Variants in TEKT5 observed in about 807,000 individuals in gnomAD.
TEKT5 encodes tektin 5.
Under a neutral mutation model 48.7 loss-of-function variants are expected in TEKT5, and 52 were observed. The observed-to-expected ratio is 1.07, with a 90% CI of 0.86 to 1.35. The LOEUF (loss-of-function observed/expected upper bound fraction) is 1.35. Among genes scored for constraint, TEKT5 ranks in the 40% most tolerant of loss-of-function variants. The pLI, the probability that TEKT5 is intolerant of heterozygous loss-of-function variation, is 0.00. For missense variants in TEKT5, 831 were observed against 641.6 expected, an observed-to-expected ratio of 1.30 and a Z score of -3.19; for synonymous variants, 318 against 267.6, an observed-to-expected ratio of 1.19 and a Z score of -1.84.
In TEKT5 at chr16:10,689,942, C is replaced by G. The variant is rs375581731; in HGVS notation, c.648G>C (p.Arg216=). ...TGGGCAGAACCAGGAGATGCCTTAC[C>G]CGGATAAGGTTTTTCTCCACGTTGT... ...VHDNVEKNLI[R]EVDLLKCCQE... Residue 216 remains arginine (R), a splice_region_variant and synonymous_variant, in exon 2 of 7, where the codon CGG becomes CGC. Coordinates refer to ENST00000283025, the MANE Select transcript of TEKT5 (RefSeq NM_144674.2). The G allele has an allele frequency of 2.2e-5, 36 of 1,613,910 alleles. No homozygotes were observed. The African/African-American group carries it at 4.7e-4, about 21-fold the overall frequency.
chr16:10,645,027 C>T (rs373685898), intron 5 of TEKT5, among the ~76,000 whole-genome samples: 20 of 152,254 alleles, frequency 1.3e-4, no homozygotes, highest in East Asian at 5.8e-4. Context: ...GTCTACAACC[C>T]GGAAGAGGGC....
intron 4 of TEKT5, among the ~76,000 whole-genome samples, chr16:10,680,330 C>T (rs951227610): frequency 6.6e-6 from 1 of 152,230 alleles, no homozygotes; most frequent in Non-Finnish European, 1.5e-5. Context: ...GGAACACCTT[C>T]CTTCTCGCTT....
At chr16:10,668,035 G>A (rs1054220720) in intron 5 of TEKT5, among the ~76,000 whole-genome samples, 4 of 151,980 alleles carry the variant, frequency 2.6e-5, no homozygotes, top group Admixed American at 2.0e-4. Flanking sequence ...GCGCCACCAT[G>A]CCCAGCTAAT....
At chr16:10,666,504 C>T (rs888560376) in intron 5 of TEKT5, among the ~76,000 whole-genome samples, 1 of 152,248 alleles carries the variant, frequency 6.6e-6, no homozygotes, top group African/African-American at 2.4e-5. Flanking sequence ...CCTCACCAAA[C>T]TATAGCAACC....
At chr16:10,684,593 C>T (rs1016855366) in intron 3 of TEKT5, among the ~76,000 whole-genome samples, 1 of 152,130 alleles carries the variant, frequency 6.6e-6, no homozygotes, top group Non-Finnish European at 1.5e-5. Context: ...AAATGGGGCC[C>T]TGTCCTGCCT....
chr16:10,688,187 A>G (rs1898896738), intron 3 of TEKT5, among the ~76,000 whole-genome samples: 1 of 152,204 alleles, frequency 6.6e-6, no homozygotes, highest in South Asian at 2.1e-4. Context: ...GTGTCCTTTC[A>G]GCCATCATCC....
rs984621215 is a variant in TEKT5 at position 10,661,718 on chromosome 16, T to C, written c.1086+14241A>G. ...GGCCAGTGGTATTCGGATTCCAGTG[T>C]GCCCACCTCACTACAATCCAGAGGA... is the stretch of plus-strand genomic sequence containing the variant. On this transcript the variant is annotated intron_variant, in intron 5 of 6. Transcript: ENST00000283025. Among the ~76,000 whole-genome samples, 5 of 152,310 alleles carry C rather than the reference T, an allele frequency of 3.3e-5. No individual in the cohort carries two copies. The East Asian group carries it at 7.7e-4, about 24-fold the overall frequency.
intron 3 of TEKT5, among the ~76,000 whole-genome samples, chr16:10,684,728 G>C (rs1003392239): frequency 6.6e-6 from 1 of 152,178 alleles, no homozygotes; most frequent in Non-Finnish European, 1.5e-5. Flanking sequence ...GAGGCCTAGG[G>C]AAAGAGGAGG....
intron 6 of TEKT5, among the ~76,000 whole-genome samples, chr16:10,630,364 T>C (rs570168429): frequency 2.9e-4 from 44 of 151,952 alleles, no homozygotes; most frequent in Admixed American, 1.3e-3. Flanking sequence ...GCCTCCCAAA[T>C]AGCTGAGGCT....
chr16:10,644,104 A>G (rs1898034380), intron 5 of TEKT5, among the ~76,000 whole-genome samples: 1 of 152,212 alleles, frequency 6.6e-6, no homozygotes. Flanking sequence ...AGCAGCTACT[A>G]GACACTTTAA....
intron 4 of TEKT5, among the ~76,000 whole-genome samples, chr16:10,678,460 T>C (rs1040400276): frequency 6.6e-6 from 1 of 152,152 alleles, no homozygotes; most frequent in African/African-American, 2.4e-5. Flanking sequence ...AAAAATCATA[T>C]AGCTTGTGTG....
chr16:10,681,527 C>G (rs1898750637), intron 4 of TEKT5, among the ~76,000 whole-genome samples: 1 of 152,076 alleles, frequency 6.6e-6, no homozygotes, highest in South Asian at 2.1e-4. Flanking sequence ...AGAATTCACT[C>G]TGTTAAACCA....
At chr16:10,628,094 C>A (rs1004635790) in intron 6 of TEKT5, among the ~76,000 whole-genome samples, 3 of 152,214 alleles carry the variant, frequency 2.0e-5, no homozygotes, top group East Asian at 3.9e-4. Flanking sequence ...GATCCACTTG[C>A]CTTGGCCTCC....
chr16:10,631,369 T>G (rs1162581186), intron 6 of TEKT5, among the ~76,000 whole-genome samples: 8 of 130,406 alleles, frequency 6.1e-5, no homozygotes, highest in African/African-American at 1.3e-4. Flanking sequence ...GGGGGAGGGT[T>G]GAAACAGGGG....
In TEKT5 at chr16:10,694,520, G is replaced by C. The variant is rs745414765; in HGVS notation, c.354C>G (p.Asp118Glu). The change falls in exon 1 of 7, where the codon GAC becomes GAG. Residue 118 changes from aspartate (D) to glutamate (E), a missense_variant. By Grantham distance (45) the Asp-to-Glu change is conservative. Coordinates refer to ENST00000283025, the MANE Select transcript of TEKT5 (RefSeq NM_144674.2). ...CCTTGTCCTGCAAGAGCCTCATGGA[G>C]TCATCCGTCAGCCGGCTGGCCCACA... ...SRLWASRLTD[D>E]SMRLLQDKDQ... 7 of 1,610,004 alleles carry C rather than the reference G, an allele frequency of 4.3e-6. No individual in the cohort carries two copies. The highest frequency in any genetic ancestry group is 4.5e-5 in the East Asian group (2 of 44,854).
At chr16:10,652,451 AACACACACACACACACACAC>A (rs572277672) in intron 5 of TEKT5, among the ~76,000 whole-genome samples, 3 of 66,772 alleles carry the variant, frequency 4.5e-5, no homozygotes, top group African/African-American at 1.9e-4. Flanking sequence ...TACACAGGCA[AACACACACACACACACACAC>A]ACACACACAC....
In TEKT5 at chr16:10,682,062, T is replaced by C. The variant is rs778245744; in HGVS notation, c.794A>G (p.Lys265Arg). 1.2e-6 allele frequency: 2 copies of C among 1,614,202 alleles called. No homozygotes were observed. The highest frequency in any genetic ancestry group is 2.2e-5 in the South Asian group (2 of 91,088). ...DKSSAQCIDE[K>R]CFNLRNTSDC... is the part of the protein sequence containing the mutation. ...TGACGTATTTCTCAGGTTAAAGCAC[T>C]TCTCATCGATACACTGGGCCGAGCT... Residue 265 changes from lysine to arginine, a missense_variant, in exon 4 of 7, where the codon AAG becomes AGG. Lys to Arg is a conservative substitution (Grantham distance 26). Coordinates refer to ENST00000283025, the MANE Select transcript of TEKT5 (RefSeq NM_144674.2).
At chr16:10,653,231 C>T (rs1451886581) in intron 5 of TEKT5, among the ~76,000 whole-genome samples, 1 of 152,244 alleles carries the variant, frequency 6.6e-6, no homozygotes, top group East Asian at 1.9e-4. Flanking sequence ...GCAGCCAGCC[C>T]TGCCTTCCCC....
Position 10,668,775 on chromosome 16 carries a change from G to A in TEKT5, c.1086+7184C>T, listed in dbSNP as rs369313841. Among the ~76,000 whole-genome samples the A allele has an allele frequency of 8.7e-4, 132 of 152,234 alleles. 1 individual carries two copies. In the South Asian group the frequency reaches 0.027, roughly 31 times the overall value. ...TCTGTTCTGTTCAACCTCTTCCTAT[G>A]CCTGGATGTTTTGTTTATCTGCCTG... On this transcript the variant is annotated intron_variant, in intron 5 of 6. Coordinates refer to ENST00000283025, the MANE Select transcript of TEKT5 (RefSeq NM_144674.2).
Sources: gnomAD v4.1 joint callset for allele counts (sites outside exome capture counted in the v4.1 genomes callset) on GRCh38, gnomAD v4.1.1 for gene constraint, MANE v1.5 for transcripts, NCBI Gene and HGNC (gene_info 2026-07-23, HGNC 2026-07-21) for gene names.